Variants in AXDND1 observed in about 807,000 individuals in gnomAD.
AXDND1 encodes axonemal dynein light chain domain containing 1.
AXDND1 carries 110 observed loss-of-function variants against 137.5 expected under a neutral mutation model. The observed-to-expected ratio is 0.80, with a 90% CI of 0.69 to 0.94. AXDND1 has a LOEUF of 0.94. AXDND1 is among the 40% of genes least tolerant of loss of function. The pLI, the probability that AXDND1 is intolerant of heterozygous loss-of-function variation, is 0.00. For synonymous variants in AXDND1, 414 were observed against 399.7 expected (o/e 1.04, Z -0.43); for missense variants, 1,191 against 1,169.8 (o/e 1.02, Z -0.26).
intron 25 of AXDND1, among the ~76,000 whole-genome samples, chr1:179,538,591 T>G (rs770460200): frequency 2.0e-5 from 3 of 152,232 alleles, no homozygotes; most frequent in South Asian, 2.1e-4. Context: ...TTATATTTGC[T>G]GAGGAGTGTT....
At chr1:179,437,113 G>T (rs1658278597) in intron 15 of AXDND1, among the ~76,000 whole-genome samples, 1 of 150,428 alleles carries the variant, frequency 6.6e-6, no homozygotes. Flanking sequence ...AAATCTCCTT[G>T]GGTGGCAGTG....
Position 179,366,727 on chromosome 1 carries a change from A to T in AXDND1, c.97+121A>T, listed in dbSNP as rs544557440. On this transcript the variant is annotated intron_variant, in intron 2 of 25. Coordinates refer to ENST00000367618, the MANE Select transcript of AXDND1 (RefSeq NM_144696.6). Reference sequence around the variant, plus strand: ...CCTTGATTGGCTACATTTTTCTAACACACTTGCTTAAATAAAGCAAGAAGT... The same window carrying T: ...CCTTGATTGGCTACATTTTTCTAACTCACTTGCTTAAATAAAGCAAGAAGT... 1.0e-5 allele frequency: 8 copies of T among 785,480 alleles called. No homozygotes were observed. In the Admixed American group the frequency reaches 1.4e-4, roughly 14 times the overall value. 48.7% of individuals were successfully genotyped at this position (785,480 alleles called of 1,614,324 possible).
intron 12 of AXDND1, among the ~76,000 whole-genome samples, chr1:179,414,276 A>G (rs537699426): frequency 6.6e-5 from 10 of 152,208 alleles, no homozygotes; most frequent in African/African-American, 2.2e-4. Context: ...ATAAGAAGGG[A>G]TAAGACCTGT....
At chr1:179,391,509 T>TTTTATTTA (rs928117591) in intron 9 of AXDND1, among the ~76,000 whole-genome samples, 6 of 150,114 alleles carry the variant, frequency 4.0e-5, no homozygotes, top group Non-Finnish European at 7.4e-5. Context: ...GATCTGATGA[T>TTTTATTTA]TTTATTTATT....
intron 25 of AXDND1, chr1:179,543,609 AC>A (rs2125736440): frequency 6.6e-6 from 1 of 151,948 alleles, no homozygotes; most frequent in South Asian, 2.1e-4. Context: ...GATTCTGAAG[AC>A]TGTTTCCATT....
Position 179,486,810 on chromosome 1 carries a change from C to T in AXDND1, c.2091+3589C>T, listed in dbSNP as rs904308553. Among the ~76,000 whole-genome samples, 7 of 148,628 alleles carry T rather than the reference C, an allele frequency of 4.7e-5. 1 individual carries two copies. The highest frequency in any genetic ancestry group is 8.9e-5 in the Non-Finnish European group (6 of 67,426). ...ATTTTTTGTGACCAGATGTGCCTTACAGGAGGTCCTGAAGAGAGTGCTAAA... is the reference window on the plus strand; with the variant it reads ...ATTTTTTGTGACCAGATGTGCCTTATAGGAGGTCCTGAAGAGAGTGCTAAA... On this transcript the variant is annotated intron_variant, in intron 18 of 25. Transcript: ENST00000367618.
chr1:179,552,348 T>A (rs1196038609), intron 25 of AXDND1: 2 of 549,034 alleles, frequency 3.6e-6, no homozygotes, highest in Non-Finnish European at 6.6e-6. Context: ...GGAGATGCCT[T>A]TAAGGAGAGA....
intron 16 of AXDND1, chr1:179,448,991 A>G (rs1660133049): frequency 6.4e-6 from 2 of 313,532 alleles, no homozygotes; most frequent in South Asian, 2.4e-5. Flanking sequence ...GGTTTAAGCA[A>G]TCCTCCCACC....
rs1248757003 is a variant in AXDND1 at position 179,378,791 on chromosome 1, C to T, written c.495+34C>T. 7 of 1,420,200 alleles carry T rather than the reference C, an allele frequency of 4.9e-6. No homozygotes were observed. The Admixed American group carries it at 9.6e-5, about 19-fold the overall frequency. 88.0% of individuals were successfully genotyped at this position (1,420,200 alleles called of 1,614,324 possible). On this transcript the variant is annotated intron_variant, in intron 5 of 25. Transcript: ENST00000367618. Reference sequence around the variant, plus strand: ...AGTATTTGACAAATAATCTTCTCTCCCTCTGTCTACTTTTAAAAATCATTT... The same window carrying T: ...AGTATTTGACAAATAATCTTCTCTCTCTCTGTCTACTTTTAAAAATCATTT...
intron 10 of AXDND1, 76 bp downstream of exon 10, chr1:179,394,119 G>C: frequency 7.0e-7 from 1 of 1,432,604 alleles, no homozygotes; most frequent in Non-Finnish European, 9.3e-7. Context: ...AATATTTAGG[G>C]AAAGTGGAAT....
Position 179,393,976 on chromosome 1 carries a change from C to T in AXDND1, c.937C>T (p.Arg313Ter), listed in dbSNP as rs146917473. 23 of 1,610,878 alleles carry T rather than the reference C, an allele frequency of 1.4e-5. No homozygotes were observed. The highest frequency in any genetic ancestry group is 2.2e-5 in the East Asian group (1 of 44,574). The change falls in exon 10 of 26, where the codon CGA becomes TGA. Residue 313 changes from arginine to a stop codon, truncating the protein, a stop_gained. Coordinates refer to ENST00000367618, the MANE Select transcript of AXDND1 (RefSeq NM_144696.6). LOFTEE classifies it high-confidence loss of function. The stretch of plus-strand genomic sequence containing the variant: ...TTTCTACAAAGACTTGGTAACTCAG[C>T]GAGTGATGGACCAGCGCATTTTAGA... Reference protein sequence around the residue: ...IDFYKDLVTQRVMDQRILEEL... With the variant: ...IDFYKDLVTQ
chr1:179,385,214 A>G lies in AXDND1; in HGVS notation c.742-24A>G, dbSNP rs371174580. On this transcript the variant is annotated intron_variant, in intron 8 of 25. Transcript: ENST00000367618. ...TTTACTAAGACTGTAATAAGTACTGATTATGTTACTTACCTTCTGACAGAT... is the reference window on the plus strand; with the variant it reads ...TTTACTAAGACTGTAATAAGTACTGGTTATGTTACTTACCTTCTGACAGAT... 1.9e-5 allele frequency: 30 copies of G among 1,596,808 alleles called. No individual in the cohort carries two copies. The African/African-American group carries it at 3.5e-4, about 19-fold the overall frequency.
At chr1:179,494,244 G>A (rs1403037432) in intron 20 of AXDND1, among the ~76,000 whole-genome samples, 2 of 152,090 alleles carry the variant, frequency 1.3e-5, no homozygotes, top group South Asian at 2.1e-4. Context: ...GAGCCACTGC[G>A]CCTGGCTGAT....
chr1:179,427,190 C>CA (rs980324664), intron 12 of AXDND1, among the ~76,000 whole-genome samples: 20 of 150,220 alleles, frequency 1.3e-4, no homozygotes, highest in Middle Eastern at 3.4e-3. Context: ...CAAAAACAAA[C>CA]AAAAAAAAAC....
rs1369192048 is a variant in AXDND1, at chr1:179,373,680, A to C, written c.374+3602A>C. Among the ~76,000 whole-genome samples the C allele has an allele frequency of 5.3e-5, 8 of 152,330 alleles. No individual in the cohort carries two copies. In the East Asian group the frequency reaches 1.5e-3, roughly 29 times the overall value. On this transcript the variant is annotated intron_variant, in intron 4 of 25. Transcript: ENST00000367618. ...GCCTCCGAAATAACACCACACATTT[A>C]CAACCATCTGATCTTTGACAAACCT...
At chr1:179,513,256 G>A (rs563178220) in intron 21 of AXDND1, among the ~76,000 whole-genome samples, 28 of 152,286 alleles carry the variant, frequency 1.8e-4, no homozygotes, top group Non-Finnish European at 3.2e-4. Flanking sequence ...TGATTTTGCT[G>A]AGAGTTTTAA....
chr1:179,506,944 CTTTCCTTCCT>C, intron 20 of AXDND1: 1 of 968,502 alleles, frequency 1.0e-6, no homozygotes, highest in Non-Finnish European at 1.2e-6. Flanking sequence ...CAAGCCCCAG[CTTTCCTTCCT>C]TATGGGGGGA....
chr1:179,456,532 C>G, intron 16 of AXDND1: 1 of 776,430 alleles, frequency 1.3e-6, no homozygotes, highest in Admixed American at 1.7e-5. Context: ...CCCTGTCCAA[C>G]ACTTCCATAG....
intron 17 of AXDND1, 85 bp downstream of exon 17, chr1:179,468,726 A>G: frequency 9.0e-7 from 1 of 1,107,798 alleles, no homozygotes; most frequent in South Asian, 1.7e-5. Context: ...TCACTTTTTC[A>G]AAGTGTACAA....
Sources: allele counts gnomAD v4.1 joint callset (sites outside exome capture counted in the v4.1 genomes callset), GRCh38; gene constraint gnomAD v4.1.1; transcripts MANE v1.5; gene names NCBI Gene and HGNC (gene_info 2026-07-23, HGNC 2026-07-21).